The following KCNQ1 variants were observed in gnomAD, a reference collection of about 807,000 sequenced individuals.
KCNQ1 encodes the protein potassium voltage-gated channel subfamily Q member 1.
Under a neutral mutation model 72.4 loss-of-function variants are expected in KCNQ1, and 49 were observed. That is an observed-to-expected ratio of 0.68 (90% CI 0.54 to 0.86). The LOEUF is 0.86. Among genes scored for constraint, KCNQ1 ranks in the 40% least tolerant of loss-of-function variants. The pLI, the probability that KCNQ1 is intolerant of heterozygous loss-of-function variation, is 0.00. For missense variants in KCNQ1, 790 were observed against 945.1 expected, an observed-to-expected ratio of 0.84 and a Z score of 2.15; for synonymous variants, 450 against 412.6, an observed-to-expected ratio of 1.09 and a Z score of -1.10.
In KCNQ1 at chr11:2,588,813, G is replaced by A. The variant is rs199472781; in HGVS notation, c.1352G>A (p.Arg451Gln). The A allele has an allele frequency of 3.8e-5, 62 of 1,613,078 alleles. No homozygotes were observed. The African/African-American group carries it at 5.3e-4, about 14-fold the overall frequency. ...PHITCDPPEE[R>Q]RLDHFSVDGY... ...ATCACGTGCGACCCCCCAGAAGAGC[G>A]GCGGCTGGACCACTTCTCTGTCGAC... is the stretch of plus-strand genomic sequence containing the variant. The change falls in exon 10 of 16, where the codon CGG becomes CAG. Residue 451 changes from arginine to glutamine, a missense_variant. Physicochemically the swap from Arg to Gln is conservative, Grantham distance 43. This residue lies in a region of KCNQ1 where 178 missense variants were observed against 177.9 expected (regional missense o/e 1.00). Coordinates refer to ENST00000155840, the MANE Select transcript of KCNQ1 (RefSeq NM_000218.3). This position sits in a 1 kb window ranked among gnomAD's most constrained non-coding sequence, Gnocchi z 5.6.
rs1847972552 is a variant in KCNQ1 at position 2,550,838 on chromosome 11, G to A, written c.478-19790G>A. On this transcript the variant is annotated intron_variant, in intron 2 of 15. Transcript: ENST00000155840. This position sits in a 1 kb window ranked among gnomAD's most constrained non-coding sequence, Gnocchi z 6.0. Reference sequence around the variant, plus strand: ...TCACCTAGCACCTGGCTCCCCGGGGGCCCAGATGGCAGGCGAGGGGTGCCT... The same window carrying A: ...TCACCTAGCACCTGGCTCCCCGGGGACCCAGATGGCAGGCGAGGGGTGCCT... Among the ~76,000 whole-genome samples the A allele has an allele frequency of 6.6e-6, 1 of 152,060 alleles. No homozygotes were observed. The highest frequency in any genetic ancestry group is 1.5e-5 in the Non-Finnish European group (1 of 68,012).
intron 11 of KCNQ1, among the ~76,000 whole-genome samples, chr11:2,709,904 A>G (rs1850977209): frequency 6.6e-6 from 1 of 152,132 alleles, no homozygotes; most frequent in Non-Finnish European, 1.5e-5. Flanking sequence ...CACTTGGGCC[A>G]TTTTTACTTT....
In KCNQ1 at chr11:2,752,955, T is replaced by A. The variant is rs1452994214; in HGVS notation, c.1515-15889T>A. ...AAGGTCTGCCCTGGCTGGTCTGGGC[T>A]TGAGGACCAGCACGGGATCGTTCTC... On this transcript the variant is annotated intron_variant, in intron 11 of 15. Coordinates refer to ENST00000155840, the MANE Select transcript of KCNQ1 (RefSeq NM_000218.3). The surrounding 1 kb of genome is among the most constrained non-coding windows in gnomAD (Gnocchi z 5.2). Among the ~76,000 whole-genome samples, 2 of 152,130 alleles carry A rather than the reference T, an allele frequency of 1.3e-5. No individual in the cohort carries two copies. Among genetic ancestry groups the A allele is most frequent in the African/African-American group, 4.8e-5 (2 of 41,438 alleles).
intron 11 of KCNQ1, among the ~76,000 whole-genome samples, chr11:2,716,806 C>T (rs995209340): frequency 6.6e-6 from 1 of 152,228 alleles, no homozygotes; most frequent in Non-Finnish European, 1.5e-5. Flanking sequence ...GGATCCAAAG[C>T]AACCATCTCT....
In KCNQ1 at chr11:2,612,023, A is replaced by G. The variant is rs1254898697; in HGVS notation, c.1393+23169A>G. 5 of 398,416 alleles carry G rather than the reference A, an allele frequency of 1.3e-5. No individual in the cohort carries two copies. Among genetic ancestry groups the G allele is most frequent in the Non-Finnish European group, 2.2e-5 (5 of 226,048 alleles). The allele number at this position is 398,416 out of a possible 1,614,324, so 24.7% of individuals were successfully genotyped here. On this transcript the variant is annotated intron_variant, in intron 10 of 15. Coordinates refer to ENST00000155840, the MANE Select transcript of KCNQ1 (RefSeq NM_000218.3). This position sits in a 1 kb window ranked among gnomAD's most constrained non-coding sequence, Gnocchi z 5.5. ...ATATGTTGTTACTCCTTAATTCCAC[A>G]TATGTTTTCTACTCTTAATTACATA...
In KCNQ1 at chr11:2,457,362, A is replaced by G. The variant is rs2133576338; in HGVS notation, c.386+11878A>G. 1.3e-5 allele frequency among the ~76,000 whole-genome samples: 2 copies of G among 152,360 alleles called. No individual in the cohort carries two copies. Among genetic ancestry groups the G allele is most frequent in the South Asian group, 4.1e-4 (2 of 4,834 alleles). On this transcript the variant is annotated intron_variant, in intron 1 of 15. Coordinates refer to ENST00000155840, the MANE Select transcript of KCNQ1 (RefSeq NM_000218.3). This position sits in a 1 kb window ranked among gnomAD's most constrained non-coding sequence, Gnocchi z 5.0. ...ACATATGCACCTAAACATTCATGGC[A>G]GAAAGACATGAGTCAACTCAGGTGC... is the stretch of plus-strand genomic sequence containing the variant.
At chr11:2,461,932 G>C in intron 1 of KCNQ1, 1 of 393,916 alleles carries the variant, frequency 2.5e-6, no homozygotes, top group Non-Finnish European at 5.0e-6. Context: ...GGGTGCAGCT[G>C]TCTGCTGTCT....
intron 11 of KCNQ1, among the ~76,000 whole-genome samples, chr11:2,756,951 TAAAAAAAAAAAAAAAAAAA>T (rs58284663): frequency 2.4e-4 from 12 of 50,986 alleles, no homozygotes; most frequent in Admixed American, 7.5e-4. Flanking sequence ...AAGAGCATCT[TAAAAAAAAAAAAAAAAAAA>T]AAAAAAAAAA....
rs1315946810 is a variant in KCNQ1 at position 2,593,983 on chromosome 11, T to C, written c.1393+5129T>C. ...CCTCCTGCCGTTTCCTGGGCCTTTG[T>C]TGCCCAGTATTTTGGTTTTGTCTTT... On this transcript the variant is annotated intron_variant, in intron 10 of 15. Coordinates refer to ENST00000155840, the MANE Select transcript of KCNQ1 (RefSeq NM_000218.3). This position sits in a 1 kb window ranked among gnomAD's most constrained non-coding sequence, Gnocchi z 6.9. 1.3e-5 allele frequency among the ~76,000 whole-genome samples: 2 copies of C among 152,212 alleles called. No individual in the cohort carries two copies. Among genetic ancestry groups the C allele is most frequent in the Admixed American group, 1.3e-4 (2 of 15,290 alleles).
chr11:2,553,339 T>C (rs1299257300), intron 2 of KCNQ1, among the ~76,000 whole-genome samples: 1 of 152,180 alleles, frequency 6.6e-6, no homozygotes, highest in Non-Finnish European at 1.5e-5. Context: ...GCTATCCTTA[T>C]CTTACTCCTA....
chr11:2,768,737 T>C lies in KCNQ1; in HGVS notation c.1515-107T>C. The C allele has an allele frequency of 2.3e-6, 2 of 874,944 alleles. No homozygotes were observed. Among genetic ancestry groups the C allele is most frequent in the Non-Finnish European group, 3.9e-6 (2 of 513,558 alleles). The allele number at this position is 874,944 out of a possible 1,614,324, so 54.2% of individuals were successfully genotyped here. A position where few individuals can be genotyped will look rare whatever the true frequency, so the allele number is the denominator to read the frequency against. ...CCCATGGAGTTGAACACTCTCCTTGTTTCTGGAAGGATCCAGTCTGCGTGC... is the reference window on the plus strand; with the variant it reads ...CCCATGGAGTTGAACACTCTCCTTGCTTCTGGAAGGATCCAGTCTGCGTGC... On this transcript the variant is annotated intron_variant, in intron 11 of 15. Transcript: ENST00000155840. This position sits in a 1 kb window ranked among gnomAD's most constrained non-coding sequence, Gnocchi z 6.7.
chr11:2,547,459 C>A lies in KCNQ1; in HGVS notation c.477+19441C>A, dbSNP rs1326786799. 6.6e-6 allele frequency among the ~76,000 whole-genome samples: 1 copy of A among 152,154 alleles called. No homozygotes were observed. Among genetic ancestry groups the A allele is most frequent in the Non-Finnish European group, 1.5e-5 (1 of 68,032 alleles). On this transcript the variant is annotated intron_variant, in intron 2 of 15. Coordinates refer to ENST00000155840, the MANE Select transcript of KCNQ1 (RefSeq NM_000218.3). The surrounding 1 kb of genome is among the most constrained non-coding windows in gnomAD (Gnocchi z 4.2). ...ATTTTGGCCAGGCTGGTCTTGAACT[C>A]CTGACCTCAAGTCATCTGCCCGCCT...
chr11:2,820,921 C>T (rs958654142), intron 15 of KCNQ1, among the ~76,000 whole-genome samples: 1 of 152,222 alleles, frequency 6.6e-6, no homozygotes, highest in African/African-American at 2.4e-5. Context: ...GTGCCTACAC[C>T]CCACCTCCAT....
chr11:2,610,644 G>A (rs1235744327), intron 10 of KCNQ1: 1 of 304,850 alleles, frequency 3.3e-6, no homozygotes, highest in Non-Finnish European at 5.8e-6. Flanking sequence ...TTCTGTTTTT[G>A]TTTATCTGGG....
intron 11 of KCNQ1, chr11:2,692,536 G>A (rs1297072878): frequency 2.5e-6 from 1 of 398,668 alleles, no homozygotes; most frequent in Non-Finnish European, 4.4e-6. Flanking sequence ...TACCACCAGA[G>A]GGCCCTTGGC....
Position 2,498,672 on chromosome 11 carries a change from C to A in KCNQ1, c.387-29256C>A, listed in dbSNP as rs542191639. On this transcript the variant is annotated intron_variant, in intron 1 of 15. Coordinates refer to ENST00000155840, the MANE Select transcript of KCNQ1 (RefSeq NM_000218.3). This position sits in a 1 kb window ranked among gnomAD's most constrained non-coding sequence, Gnocchi z 4.8. ...AGACCACTTGGCTTCCTGGCCTCAG[C>A]CCCCTTTCCAGGGGAGTAAATGATT... 3.3e-4 allele frequency among the ~76,000 whole-genome samples: 51 copies of A among 152,342 alleles called. No individual in the cohort carries two copies. Among genetic ancestry groups the A allele is most frequent in the African/African-American group, 1.2e-3 (51 of 41,584 alleles).
rs1846617048 is a variant in KCNQ1, at chr11:2,772,338, C to G, written c.1590+3419C>G. Reference sequence around the variant, plus strand: ...TGGCCAACCACCCCTGTGTCTGGCCCAAGGAGCCGGAGCCTCTCCACCCTT... The same window carrying G: ...TGGCCAACCACCCCTGTGTCTGGCCGAAGGAGCCGGAGCCTCTCCACCCTT... On this transcript the variant is annotated intron_variant, in intron 12 of 15. Transcript: ENST00000155840. The surrounding 1 kb of genome is among the most constrained non-coding windows in gnomAD (Gnocchi z 6.6). Among the ~76,000 whole-genome samples, 1 of 152,144 alleles carries G rather than the reference C, an allele frequency of 6.6e-6. No individual in the cohort carries two copies. The highest frequency in any genetic ancestry group is 2.4e-5 in the African/African-American group (1 of 41,436).
chr11:2,599,576 C>CTCTCTGTT lies in KCNQ1; in HGVS notation c.1393+10722_1393+10723insTCTCTGTT. 6.6e-6 allele frequency among the ~76,000 whole-genome samples: 1 copy of CTCTCTGTT among 152,278 alleles called. No homozygotes were observed. Among genetic ancestry groups the CTCTCTGTT allele is most frequent in the African/African-American group, 2.4e-5 (1 of 41,554 alleles). The stretch of plus-strand genomic sequence containing the variant: ...TGCTAGGACTGCCATAACAAAATAC[C>CTCTCTGTT]ACAGGCTGGGTGGCTTAGACAGCAG... On this transcript the variant is annotated intron_variant, in intron 10 of 15. Coordinates refer to ENST00000155840, the MANE Select transcript of KCNQ1 (RefSeq NM_000218.3). The surrounding 1 kb of genome is among the most constrained non-coding windows in gnomAD (Gnocchi z 4.7).
In KCNQ1 at chr11:2,547,276, C is replaced by T. The variant is rs1014269254; in HGVS notation, c.477+19258C>T. ...AAACAGTTTCCCTCTGTTGCCCAGG[C>T]TAGAGTGCAGTGGCATGATCTCAGC... is the stretch of plus-strand genomic sequence containing the variant. On this transcript the variant is annotated intron_variant, in intron 2 of 15. Coordinates refer to ENST00000155840, the MANE Select transcript of KCNQ1 (RefSeq NM_000218.3). This position sits in a 1 kb window ranked among gnomAD's most constrained non-coding sequence, Gnocchi z 4.2. Among the ~76,000 whole-genome samples the T allele has an allele frequency of 1.3e-5, 2 of 152,186 alleles. No homozygotes were observed. The highest frequency in any genetic ancestry group is 4.8e-5 in the African/African-American group (2 of 41,448).
Sources: gnomAD v4.1 joint callset for allele counts (sites outside exome capture counted in the v4.1 genomes callset) on GRCh38, gnomAD v4.1.1 for gene constraint, gnomAD v4.1.1 regional missense constraint, Gnocchi (gnomAD v3.1) non-coding constraint, MANE v1.5 for transcripts, NCBI Gene and HGNC (gene_info 2026-07-23, HGNC 2026-07-21) for gene names.